FCGR1A: variants seen among roughly 807,000 people sequenced by gnomAD.
FCGR1A encodes the protein high affinity immunoglobulin gamma Fc receptor I.
A neutral mutation model predicts 35.0 loss-of-function variants in FCGR1A; 13 were observed. The ratio of observed to expected loss-of-function variants is 0.37; its 90% CI spans 0.24 to 0.59. The LOEUF is 0.59. Among genes scored for constraint, FCGR1A ranks in the 20% least tolerant of loss-of-function variants. The probability of loss-of-function intolerance (pLI) is 0.71; values close to 1 mark genes in which losing one functional copy is unlikely to be tolerated. For missense variants in FCGR1A, 227 were observed against 430.0 expected, an observed-to-expected ratio of 0.53 and a Z score of 4.17; for synonymous variants, 91 against 164.7, an observed-to-expected ratio of 0.55 and a Z score of 3.43.
intron 3 of FCGR1A, among the ~76,000 whole-genome samples, chr1:149,785,248 T>A (rs1204338804): frequency 6.6e-6 from 1 of 152,144 alleles, no homozygotes; most frequent in Non-Finnish European, 1.5e-5. Context: ...GAGGCAAAAT[T>A]GCCTTTATGC....
chr1:149,799,030 C>T, the FCGR1A span, among the ~76,000 whole-genome samples: 84 of 143,362 alleles, frequency 5.9e-4, no homozygotes, highest in African/African-American at 1.9e-3. Flanking sequence ...TTCTACATCA[C>T]CTGGAATTTG....
At chr1:149,790,744 A>G (rs1189329206) in intron 5 of FCGR1A, among the ~76,000 whole-genome samples, 1 of 144,366 alleles carries the variant, frequency 6.9e-6, no homozygotes, top group Non-Finnish European at 1.5e-5. Context: ...AGTTCTTCCT[A>G]TCTGTTGTCA....
intron 3 of FCGR1A, chr1:149,785,859 G>C (rs1268771294): frequency 6.6e-6 from 1 of 151,816 alleles, no homozygotes; most frequent in Admixed American, 6.6e-5. Context: ...TAGGTTTTTT[G>C]CCTATTTTTG....
intron 3 of FCGR1A, chr1:149,785,601 T>G (rs1362524815): frequency 6.6e-6 from 1 of 151,802 alleles, no homozygotes; most frequent in Non-Finnish European, 1.5e-5. Context: ...GAGTCCATTT[T>G]CTTTACCTCT....
Position 149,791,601 on chromosome 1 carries a change from T to C in FCGR1A, c.*84T>C. 2 of 1,552,008 alleles carry C rather than the reference T, an allele frequency of 1.3e-6. No homozygotes were observed. The highest frequency in any genetic ancestry group is 1.7e-6 in the Non-Finnish European group (2 of 1,154,064). On this transcript the variant is annotated 3_prime_UTR_variant, in exon 6 of 6. Transcript: ENST00000369168. Reference sequence around the variant, plus strand: ...AGCACTGCGTACAAACATCCAAAAGTTCAACAACACCAGAACTGTGTGTCT... The same window carrying C: ...AGCACTGCGTACAAACATCCAAAAGCTCAACAACACCAGAACTGTGTGTCT...
Position 149,788,628 on chromosome 1 carries a change from G to C in FCGR1A, c.559+11G>C. 1 of 1,613,820 alleles carries C rather than the reference G, an allele frequency of 6.2e-7. No homozygotes were observed. Among genetic ancestry groups the C allele is most frequent in the East Asian group, 2.2e-5 (1 of 44,884 alleles). On this transcript the variant is annotated intron_variant, in intron 4 of 5. Coordinates refer to ENST00000369168, the MANE Select transcript of FCGR1A (RefSeq NM_000566.4). ...CTGTCACTGTGAAAGGTATTGTATT[G>C]GAATAGTCATAGAACTGATAGTCCC...
chr1:149,790,656 A>C (rs1430663682), intron 5 of FCGR1A, among the ~76,000 whole-genome samples: 26 of 118,644 alleles, frequency 2.2e-4, no homozygotes, highest in Admixed American at 5.6e-4. Context: ...CCACTCCATG[A>C]CCCCCCCTTC....
chr1:149,793,247 G>A (rs587759799), downstream of FCGR1A: 127 of 1,254,646 alleles, frequency 1.0e-4, no homozygotes, highest in African/African-American at 1.8e-3. Context: ...AGGCGGCGGC[G>A]GCAGGGAGGG....
the FCGR1A span, among the ~76,000 whole-genome samples, chr1:149,796,892 T>G: frequency 1.3e-5 from 2 of 152,184 alleles, no homozygotes; most frequent in Admixed American, 6.6e-5. Context: ...CTCCTCAGTG[T>G]TTGGTAAAGC....
the FCGR1A span, among the ~76,000 whole-genome samples, chr1:149,797,294 G>A: frequency 6.6e-6 from 1 of 151,846 alleles, no homozygotes; most frequent in Non-Finnish European, 1.5e-5. Flanking sequence ...CTTTATTCAG[G>A]TATTTTACTT....
chr1:149,784,326 T>C (rs2091482021), intron 3 of FCGR1A, 69 bp downstream of exon 3: 2 of 1,611,476 alleles, frequency 1.2e-6, no homozygotes, highest in African/African-American at 2.7e-5. Context: ...CCTTTCTGGA[T>C]GCCAGATGTG....
rs2091661099 is a variant in FCGR1A, at chr1:149,789,976, G to T, written c.560-78G>T. 1.9e-6 allele frequency: 3 copies of T among 1,612,378 alleles called. No homozygotes were observed. The Admixed American group carries it at 5.0e-5, about 27-fold the overall frequency. On this transcript the variant is annotated intron_variant, in intron 4 of 5. Coordinates refer to ENST00000369168, the MANE Select transcript of FCGR1A (RefSeq NM_000566.4). ...TTTTCTAGGGCCAGGTTTCCCAAGG[G>T]GGTAAAGGGCATGTCTTTTGTGAAA...
At chr1:149,799,393 G>C in the FCGR1A span, among the ~76,000 whole-genome samples, 1 of 152,192 alleles carries the variant, frequency 6.6e-6, no homozygotes, top group African/African-American at 2.4e-5. Context: ...GTGAATCTAG[G>C]TGAGGGTCCT....
At chr1:149,784,746 G>C (rs2102028614) in intron 3 of FCGR1A, among the ~76,000 whole-genome samples, 1 of 149,786 alleles carries the variant, frequency 6.7e-6, no homozygotes, top group East Asian at 1.9e-4. Flanking sequence ...TTTTAAAGCT[G>C]TGGGTGGTAG....
At chr1:149,789,513 A>G (rs1252902714) in intron 4 of FCGR1A, among the ~76,000 whole-genome samples, 1 of 152,190 alleles carries the variant, frequency 6.6e-6, no homozygotes, top group African/African-American at 2.4e-5. Flanking sequence ...TGACCAGATG[A>G]CACGGTCATT....
intron 3 of FCGR1A, among the ~76,000 whole-genome samples, chr1:149,784,476 TG>T (rs2091486381): frequency 1.3e-5 from 2 of 152,248 alleles, no homozygotes; most frequent in South Asian, 4.1e-4. Context: ...CTAAGTAGGA[TG>T]TCTAGAGTAA....
chr1:149,799,268 T>C, the FCGR1A span, among the ~76,000 whole-genome samples: 1 of 151,154 alleles, frequency 6.6e-6, no homozygotes, highest in Non-Finnish European at 1.5e-5. Flanking sequence ...GCTTCGTGTC[T>C]TCTTATATCC....
intron 3 of FCGR1A, chr1:149,786,242 T>C (rs1299440274): frequency 2.0e-5 from 3 of 152,228 alleles, no homozygotes; most frequent in Non-Finnish European, 4.4e-5. Context: ...CCTATTTGGG[T>C]ATCCTTTTTT....
chr1:149,787,308 A>T (rs2102042387), intron 3 of FCGR1A: 1 of 152,360 alleles, frequency 6.6e-6, no homozygotes, highest in East Asian at 1.9e-4. Flanking sequence ...TTTCCGCCTT[A>T]GTCTCCTAAG....
Sources: gnomAD v4.1 joint callset for allele counts (sites outside exome capture counted in the v4.1 genomes callset) on GRCh38, gnomAD v4.1.1 for gene constraint, MANE v1.5 for transcripts, NCBI Gene and HGNC (gene_info 2026-07-23, HGNC 2026-07-21) for gene names.